The following SLC29A4 variants were observed in gnomAD, a reference collection of about 807,000 sequenced individuals.
The protein encoded by SLC29A4 is equilibrative nucleoside transporter 4.
In SLC29A4, 36 loss-of-function variants were observed where a neutral mutation model predicts 43.9. That is an observed-to-expected ratio of 0.82 (90% confidence interval 0.63 to 1.08). The LOEUF is 1.08. Ranked by LOEUF, SLC29A4 falls within the 50% of genes least tolerant of loss-of-function variation. The probability of loss-of-function intolerance (pLI) is 0.00; values close to 1 mark genes in which losing one functional copy is unlikely to be tolerated. For synonymous variants in SLC29A4, 491 were observed against 338.0 expected, an observed-to-expected ratio of 1.45 and a Z score of -4.97; for missense variants, 869 against 755.3, an observed-to-expected ratio of 1.15 and a Z score of -1.77.
chr7:5,284,412 G>C (rs1784839250), intron 1 of SLC29A4, among the ~76,000 whole-genome samples: 1 of 152,168 alleles, frequency 6.6e-6, no homozygotes, highest in Non-Finnish European at 1.5e-5. Flanking sequence ...ACTGAGTTGT[G>C]AGGTGGGGAA....
At chr7:5,301,318 A>C (rs1005453800) in intron 10 of SLC29A4, among the ~76,000 whole-genome samples, 5 of 151,744 alleles carry the variant, frequency 3.3e-5, no homozygotes, top group Non-Finnish European at 5.9e-5. Context: ...AGTAAGTCCT[A>C]TGGGGAAAAA....
chr7:5,299,678 A>G (rs1025874626), intron 9 of SLC29A4, among the ~76,000 whole-genome samples: 1 of 152,202 alleles, frequency 6.6e-6, no homozygotes, highest in African/African-American at 2.4e-5. Flanking sequence ...CTCTCGCCTC[A>G]CGATCACAGG....
At chr7:5,286,535 G>A (rs10225110) in intron 1 of SLC29A4, among the ~76,000 whole-genome samples, 24,857 of 146,230 alleles carry the variant, frequency 0.17, 3,481 homozygotes, top group African/African-American at 0.38. Context: ...AAAAAAAAAA[G>A]AAAAAAGAAA....
chr7:5,285,865 T>C lies in SLC29A4; in HGVS notation c.-8-1944T>C, dbSNP rs574243037. On this transcript the variant is annotated intron_variant, in intron 1 of 10. Transcript: ENST00000396872. ...CCATCTCTACAAAAAAGAAAAAAAT[T>C]AGCCGGGCCTGGTGGCACACACCTG... 2.6e-5 allele frequency among the ~76,000 whole-genome samples: 4 copies of C among 152,138 alleles called. No homozygotes were observed. The South Asian group carries it at 8.3e-4, about 32-fold the overall frequency.
At chr7:5,295,052 G>C in intron 6 of SLC29A4, 118 bp downstream of exon 6, 1 of 901,696 alleles carries the variant, frequency 1.1e-6, no homozygotes. Flanking sequence ...ACAATCCCTG[G>C]GCAGACTGAG....
chr7:5,296,858 T>C, intron 6 of SLC29A4, 78 bp from the exon 7 acceptor site: 1 of 1,262,132 alleles, frequency 7.9e-7, no homozygotes, highest in Non-Finnish European at 9.9e-7. Flanking sequence ...GGTCTGTGTG[T>C]GGACGGGGCT....
At chr7:5,285,789 A>G (rs1426059858) in intron 1 of SLC29A4, among the ~76,000 whole-genome samples, 4 of 152,158 alleles carry the variant, frequency 2.6e-5, no homozygotes, top group African/African-American at 9.7e-5. Flanking sequence ...AGGCGAGAAG[A>G]TCACTTGAGC....
At chr7:5,297,362 C>A (rs1296735513) in intron 7 of SLC29A4, among the ~76,000 whole-genome samples, 164 bp downstream of exon 7, 1 of 152,244 alleles carries the variant, frequency 6.6e-6, no homozygotes, top group Non-Finnish European at 1.5e-5. Flanking sequence ...TCTGTGTACT[C>A]TTACTGATGT....
At chr7:5,288,380 C>G (rs1309869474) in intron 2 of SLC29A4, among the ~76,000 whole-genome samples, 1 of 146,038 alleles carries the variant, frequency 6.8e-6, no homozygotes, top group East Asian at 2.0e-4. Context: ...TCTCGGCTCA[C>G]TGCAAGCTCC....
In SLC29A4 at chr7:5,301,755, G is replaced by T. The variant is rs550323365; in HGVS notation, c.1451-1042G>T. 4.6e-5 allele frequency among the ~76,000 whole-genome samples: 7 copies of T among 152,274 alleles called. No individual in the cohort carries two copies. The East Asian group carries it at 7.7e-4, about 17-fold the overall frequency. On this transcript the variant is annotated intron_variant, in intron 10 of 10. Coordinates refer to ENST00000396872, the MANE Select transcript of SLC29A4 (RefSeq NM_153247.4). ...GACCGGCTGATGGGTTGAGAGGTAG[G>T]GTGTGGGAGAGGGAAGGGGGCTCCA...
rs766241596 is a variant in SLC29A4, at chr7:5,296,931, C to G, written c.620-5C>G. 6.3e-6 allele frequency: 10 copies of G among 1,588,564 alleles called. No individual in the cohort carries two copies. The highest frequency in any genetic ancestry group is 8.5e-6 in the Non-Finnish European group (10 of 1,174,954). On this transcript the variant is annotated splice_polypyrimidine_tract_variant and splice_region_variant and intron_variant, in intron 6 of 10. Coordinates refer to ENST00000396872, the MANE Select transcript of SLC29A4 (RefSeq NM_153247.4). The stretch of plus-strand genomic sequence containing the variant: ...AGGCCCCGGCCCACTGTGCACGCCC[C>G]CCAGGCACGGCGGGCGTGATGATCT...
rs1341845770 is a variant in SLC29A4, at chr7:5,304,529, G to A, written c.*1590G>A. The stretch of plus-strand genomic sequence containing the variant: ...CTTTCTTTTTTTATTTTTTTTTTGA[G>A]ACTGAGTCTTGCTCTTGTCACCCAG... On this transcript the variant is annotated 3_prime_UTR_variant, in exon 11 of 11. Coordinates refer to ENST00000396872, the MANE Select transcript of SLC29A4 (RefSeq NM_153247.4). 6.6e-6 allele frequency: 1 copy of A among 151,312 alleles called. No individual in the cohort carries two copies. The highest frequency in any genetic ancestry group is 2.4e-5 in the African/African-American group (1 of 41,096). 9.4% of individuals were successfully genotyped at this position (151,312 alleles called of 1,614,324 possible). A position where few individuals can be genotyped will look rare whatever the true frequency, so the allele number is the denominator to read the frequency against.
In SLC29A4 at chr7:5,297,058, C is replaced by G. The variant is rs1344552570; in HGVS notation, c.742C>G (p.Leu248Val). The stretch of plus-strand genomic sequence containing the variant: ...GGCGCTGGAGCTGCTGTGTTTCCTG[C>G]TGCACCTGTTAGTGCGGCGCAGCCG... ...SVALELLCFL[L>V]HLLVRRSRFV... Residue 248 changes from leucine to valine, a missense_variant, in exon 7 of 11, where the codon CTG becomes GTG. By Grantham distance (32) the Leu-to-Val change is conservative. Coordinates refer to ENST00000396872, the MANE Select transcript of SLC29A4 (RefSeq NM_153247.4). The G allele has an allele frequency of 3.1e-6, 5 of 1,607,864 alleles. No homozygotes were observed. In the African/African-American group the frequency reaches 4.0e-5, roughly 13 times the overall value.
intron 2 of SLC29A4, among the ~76,000 whole-genome samples, chr7:5,288,290 T>C (rs1365744329): frequency 7.0e-6 from 1 of 143,422 alleles, no homozygotes; most frequent in Non-Finnish European, 1.5e-5. Context: ...CGCTGACCCG[T>C]ACAGCTTCTT....
intron 2 of SLC29A4, among the ~76,000 whole-genome samples, chr7:5,289,559 A>C (rs73050085): frequency 2.0e-5 from 3 of 152,102 alleles, no homozygotes; most frequent in Non-Finnish European, 2.9e-5. Flanking sequence ...AGACCCACCC[A>C]GGGTAATTTC....
In SLC29A4 at chr7:5,294,952, C is replaced by G; in HGVS notation, c.619+18C>G. The G allele has an allele frequency of 6.3e-7, 1 of 1,594,520 alleles. No individual in the cohort carries two copies. Among genetic ancestry groups the G allele is most frequent in the Non-Finnish European group, 8.5e-7 (1 of 1,173,178 alleles). ...CGGGGAGAGTGAGTATCTGCAGACC[C>G]CCCGGGGAGGGGGTGCTGGGCTGCC... On this transcript the variant is annotated intron_variant, in intron 6 of 10. Coordinates refer to ENST00000396872, the MANE Select transcript of SLC29A4 (RefSeq NM_153247.4).
intron 5 of SLC29A4, among the ~76,000 whole-genome samples, chr7:5,293,285 C>G (rs1386489170): frequency 6.6e-6 from 1 of 150,514 alleles, no homozygotes; most frequent in Non-Finnish European, 1.5e-5. Flanking sequence ...GATTCTCCTG[C>G]CTCAGCCTCC....
At chr7:5,301,597 C>T (rs770551003) in intron 10 of SLC29A4, among the ~76,000 whole-genome samples, 36 of 152,172 alleles carry the variant, frequency 2.4e-4, no homozygotes, top group Non-Finnish European at 4.4e-4. Flanking sequence ...CCTCCAGCTG[C>T]CGTGGGCATG....
At position 5,294,950 on chromosome 7, in the gene SLC29A4, CCCCCCGGGGAGGGGGTG is replaced by C; in HGVS notation, c.619+18_619+34del. ...ACCGGGGAGAGTGAGTATCTGCAGA[CCCCCCGGGGAGGGGGTG>C]CTGGGCTGCCCTGGGCTCTGGAAGC... On this transcript the variant is annotated intron_variant, in intron 6 of 10. Coordinates refer to ENST00000396872, the MANE Select transcript of SLC29A4 (RefSeq NM_153247.4). The C allele has an allele frequency of 6.3e-7, 1 of 1,596,752 alleles. No individual in the cohort carries two copies. The highest frequency in any genetic ancestry group is 8.5e-7 in the Non-Finnish European group (1 of 1,173,294).
Sources: allele counts gnomAD v4.1 joint callset (sites outside exome capture counted in the v4.1 genomes callset), GRCh38; gene constraint gnomAD v4.1.1; transcripts MANE v1.5; gene names NCBI Gene and HGNC (gene_info 2026-07-23, HGNC 2026-07-21).